Variants in MKKS observed in about 807,000 individuals in gnomAD.
MKKS encodes MKKS centrosomal shuttling protein, also known as molecular chaperone MKKS.
A neutral mutation model predicts 33.2 loss-of-function variants in MKKS; 29 were observed. The ratio of observed to expected loss-of-function variants is 0.87; its 90% CI spans 0.65 to 1.19. The LOEUF (loss-of-function observed/expected upper bound fraction) is 1.19. Among genes scored for constraint, MKKS ranks in the 50% most tolerant of loss-of-function variants. The probability of loss-of-function intolerance (pLI) is 0.00; values close to 1 mark genes in which losing one functional copy is unlikely to be tolerated. For missense variants in MKKS, 661 were observed against 662.3 expected (o/e 1.00, Z 0.02); for synonymous variants, 260 against 244.0 (o/e 1.07, Z -0.61).
At position 10,419,926 on chromosome 20, in the gene MKKS, G is replaced by A. The variant is rs142237859; in HGVS notation, c.-418+602C>T. ...CTGAAACTGCAGAAAGCCAAACTGCGGATAAAGGGAGACAACTGCACTGCA... is the reference window on the plus strand; with the variant it reads ...CTGAAACTGCAGAAAGCCAAACTGCAGATAAAGGGAGACAACTGCACTGCA... On this transcript the variant is annotated intron_variant, in intron 2 of 5. Transcript: ENST00000347364. Among the ~76,000 whole-genome samples, 42 of 152,254 alleles carry A rather than the reference G, an allele frequency of 2.8e-4. No homozygotes were observed. In the East Asian group the frequency reaches 3.3e-3, roughly 12 times the overall value.
rs1393457944 is a variant in MKKS at position 10,413,744 on chromosome 20, A to C, written c.-230T>G. On this transcript the variant is annotated 5_prime_UTR_variant, in exon 3 of 6. The change creates a new upstream start codon in the 5' untranslated region. Coordinates refer to ENST00000347364, the MANE Select transcript of MKKS (RefSeq NM_170784.3). ...AAATATTTATTTTACTTCACTCTTC[A>C]ATACTCTTTTGTTTGCTTTGAGACT... 3.3e-6 allele frequency: 2 copies of C among 603,650 alleles called. No individual in the cohort carries two copies. Among genetic ancestry groups the C allele is most frequent in the African/African-American group, 1.9e-5 (1 of 53,984 alleles). The allele number at this position is 603,650 out of a possible 1,614,324, so 37.4% of individuals were successfully genotyped here. A position where few individuals can be genotyped will look rare whatever the true frequency, so the allele number is the denominator to read the frequency against.
intron 1 of MKKS, among the ~76,000 whole-genome samples, chr20:10,429,469 T>C (rs561365932): frequency 6.6e-6 from 1 of 152,338 alleles, no homozygotes; most frequent in East Asian, 1.9e-4. Context: ...TAGACCCACA[T>C]AATAAACTGC....
At position 10,405,570 on chromosome 20, in the gene MKKS, C is replaced by G. The variant is rs745324418; in HGVS notation, c.1390G>C (p.Asp464His). ...ATGTCAGTGAGAATTTCACCTCCAT[C>G]ATGTTCTAAAGAGCCAACAACAGAT... ...LESVVGSLEH[D>H]GGEILTDMKY... Residue 464 changes from aspartate (D) to histidine (H), a missense_variant, in exon 6 of 6, where the codon GAT becomes CAT. Asp to His is a moderately conservative substitution (Grantham distance 81). Transcript: ENST00000347364. 1.9e-6 allele frequency: 3 copies of G among 1,614,186 alleles called. No individual in the cohort carries two copies. Among genetic ancestry groups the G allele is most frequent in the Non-Finnish European group, 2.5e-6 (3 of 1,180,028 alleles).
rs988165688 is a variant in MKKS, at chr20:10,405,757, T to C, written c.1273-70A>G. On this transcript the variant is annotated intron_variant, in intron 5 of 5. Transcript: ENST00000347364. ...TATAAAATGTTTCAGAAAAATAAGA[T>C]ACTGAAATCAAAATCTTATTCCTAA... 5 of 1,326,538 alleles carry C rather than the reference T, an allele frequency of 3.8e-6. No individual in the cohort carries two copies. In the African/African-American group the frequency reaches 4.4e-5, roughly 12 times the overall value. 82.2% of individuals were successfully genotyped at this position (1,326,538 alleles called of 1,614,324 possible).
rs2064898392 is a variant in MKKS, at chr20:10,412,629, C to A, written c.886G>T (p.Val296Phe). The A allele has an allele frequency of 6.2e-7, 1 of 1,614,046 alleles. No individual in the cohort carries two copies. The highest frequency in any genetic ancestry group is 8.5e-7 in the Non-Finnish European group (1 of 1,180,042). The change falls in exon 3 of 6, where the codon GTT (valine) becomes TTT (phenylalanine). Residue 296 changes from valine to phenylalanine, a missense_variant. Physicochemically the swap from Val to Phe is conservative, Grantham distance 50. Coordinates refer to ENST00000347364, the MANE Select transcript of MKKS (RefSeq NM_170784.3). ...DHVDLVLCQK[V>F]IHPSLKQFLN... Reference sequence around the variant, plus strand: ...AACTGCTTCAAAGATGGATGTATAACTTTTTGGCACAGGACAAGATCTACG... The same window carrying A: ...AACTGCTTCAAAGATGGATGTATAAATTTTTGGCACAGGACAAGATCTACG...
intron 1 of MKKS, among the ~76,000 whole-genome samples, chr20:10,425,974 G>C (rs1235532035): frequency 6.6e-6 from 1 of 152,150 alleles, no homozygotes; most frequent in East Asian, 1.9e-4. Flanking sequence ...GATATTTATA[G>C]TTTCATTTAC....
Position 10,412,690 on chromosome 20 carries a change from C to G in MKKS, c.825G>C (p.Gln275His). 1 of 1,614,174 alleles carries G rather than the reference C, an allele frequency of 6.2e-7. No individual in the cohort carries two copies. The highest frequency in any genetic ancestry group is 8.5e-7 in the Non-Finnish European group (1 of 1,180,040). The change falls in exon 3 of 6, where the codon CAG (glutamine) becomes CAC (histidine). Residue 275 changes from glutamine (Q) to histidine (H), a missense_variant. Transcript: ENST00000347364. ...TTAGCTGCCTTCCTAGGTTAAGCAGCTGGTCCAAGACTGCATTTTCAAGAG... is the reference window on the plus strand; with the variant it reads ...TTAGCTGCCTTCCTAGGTTAAGCAGGTGGTCCAAGACTGCATTTTCAAGAG... ...GVSLENAVLD[Q>H]LLNLGRQLIS...
intron 1 of MKKS, among the ~76,000 whole-genome samples, chr20:10,429,490 C>T (rs1023990322): frequency 6.6e-6 from 1 of 152,162 alleles, no homozygotes; most frequent in Non-Finnish European, 1.5e-5. Flanking sequence ...TACTGTACAC[C>T]TTTGAACTAA....
chr20:10,423,718 T>C (rs1764086656), intron 1 of MKKS, among the ~76,000 whole-genome samples: 1 of 152,208 alleles, frequency 6.6e-6, no homozygotes, highest in African/African-American at 2.4e-5. Context: ...ATTTTATGTA[T>C]ATTGTGCTTA....
At chr20:10,426,955 C>A (rs779082117) in intron 1 of MKKS, among the ~76,000 whole-genome samples, 22 of 151,206 alleles carry the variant, frequency 1.5e-4, no homozygotes, top group Non-Finnish European at 2.2e-4. Context: ...AGAGGGAGAA[C>A]TTGCTATGCT....
chr20:10,426,591 G>A (rs1297989400), intron 1 of MKKS, among the ~76,000 whole-genome samples: 1 of 152,174 alleles, frequency 6.6e-6, no homozygotes, highest in Non-Finnish European at 1.5e-5. Context: ...TAGAGACGGG[G>A]TTTCACCATG....
At chr20:10,416,829 T>C (rs894762298) in intron 2 of MKKS, among the ~76,000 whole-genome samples, 2 of 152,212 alleles carry the variant, frequency 1.3e-5, no homozygotes, top group African/African-American at 4.8e-5. Flanking sequence ...CTGCCTGTTT[T>C]TGTAAATGAA....
At chr20:10,427,929 C>T (rs1457506964) in intron 1 of MKKS, among the ~76,000 whole-genome samples, 3 of 152,184 alleles carry the variant, frequency 2.0e-5, no homozygotes, top group Non-Finnish European at 2.9e-5. Context: ...CTGCTAACAG[C>T]GTAACTGAGT....
intron 1 of MKKS, among the ~76,000 whole-genome samples, chr20:10,424,598 T>C (rs2065002806): frequency 6.6e-6 from 1 of 152,222 alleles, no homozygotes; most frequent in Non-Finnish European, 1.5e-5. Flanking sequence ...AAAAAATAGT[T>C]TTCAAATTTT....
intron 1 of MKKS, among the ~76,000 whole-genome samples, chr20:10,431,345 G>A (rs964999776): frequency 2.6e-5 from 4 of 152,060 alleles, no homozygotes; most frequent in Non-Finnish European, 5.9e-5. Context: ...CTTCAAATAT[G>A]TACAAGATTA....
intron 1 of MKKS, among the ~76,000 whole-genome samples, chr20:10,426,877 C>T (rs550664621): frequency 6.6e-6 from 1 of 152,288 alleles, no homozygotes; most frequent in African/African-American, 2.4e-5. Context: ...TTGAGATTAG[C>T]TGGGTTAGTT....
In MKKS at chr20:10,408,787, T is replaced by A; in HGVS notation, c.1002A>T (p.Gly334=). ...TATTAGGACATATTGAGCCTAGGGA[T>A]CCAATAGGCTGTGTTCCTATTTTTT... ...LTKMTGTQPI[G]SLGSICPNSY... The change falls in exon 4 of 6, where the codon GGA becomes GGT. Residue 334 remains glycine, a synonymous_variant. Transcript: ENST00000347364. 1 of 1,612,942 alleles carries A rather than the reference T, an allele frequency of 6.2e-7. No homozygotes were observed. Among genetic ancestry groups the A allele is most frequent in the Non-Finnish European group, 8.5e-7 (1 of 1,179,140 alleles).
intron 5 of MKKS, among the ~76,000 whole-genome samples, chr20:10,407,140 T>C (rs6104601): frequency 0.14 from 22,000 of 152,102 alleles, 1,788 homozygotes; most frequent in East Asian, 0.24. Flanking sequence ...AATATGTGAA[T>C]TGCTTAAATA....
chr20:10,432,501 T>C (rs182698185), intron 1 of MKKS, among the ~76,000 whole-genome samples: 116 of 152,168 alleles, frequency 7.6e-4, no homozygotes, highest in African/African-American at 2.7e-3. Flanking sequence ...GATTTAAAAA[T>C]TGTGTAGTAG....
Sources: allele counts gnomAD v4.1 joint callset (sites outside exome capture counted in the v4.1 genomes callset), GRCh38; gene constraint gnomAD v4.1.1; transcripts MANE v1.5; gene names NCBI Gene and HGNC (gene_info 2026-07-23, HGNC 2026-07-21).